NELL1: variants seen among roughly 807,000 people sequenced by gnomAD.
NELL1 encodes the protein protein kinase C-binding protein NELL1.
NELL1 carries 76 observed loss-of-function variants against 107.4 expected under a neutral mutation model. The observed-to-expected ratio is 0.71, with a 90% confidence interval of 0.59 to 0.86. The LOEUF is 0.86. NELL1 is among the 40% of genes least tolerant of loss of function. The pLI is 0.00. For synonymous variants in NELL1, 353 were observed against 341.2 expected (o/e 1.03, Z -0.38); for missense variants, 1,024 against 1,005.5 (o/e 1.02, Z -0.25).
chr11:21,456,158 G>A (rs1280316219), intron 15 of NELL1, among the ~76,000 whole-genome samples: 1 of 152,138 alleles, frequency 6.6e-6, no homozygotes, highest in African/African-American at 2.4e-5. Context: ...CTCCCAAAGT[G>A]CTGGGATTAC....
chr11:20,739,081 C>G (rs1259567092), intron 2 of NELL1, among the ~76,000 whole-genome samples: 1 of 152,196 alleles, frequency 6.6e-6, no homozygotes, highest in Non-Finnish European at 1.5e-5. Context: ...TTTGCACTAG[C>G]TACATTTCAA....
At chr11:21,045,595 A>C (rs1040933142) in intron 12 of NELL1, among the ~76,000 whole-genome samples, 1 of 152,142 alleles carries the variant, frequency 6.6e-6, no homozygotes, top group African/African-American at 2.4e-5. Context: ...CTGGAAAGAT[A>C]CCTGTTTAAT....
intron 15 of NELL1, among the ~76,000 whole-genome samples, chr11:21,438,187 T>C (rs1405619976): frequency 1.3e-5 from 2 of 152,202 alleles, no homozygotes; most frequent in Admixed American, 6.5e-5. Flanking sequence ...CCCTCAGTTT[T>C]GCTCATCTGG....
intron 12 of NELL1, among the ~76,000 whole-genome samples, chr11:20,963,119 A>T (rs1392775232): frequency 3.3e-5 from 5 of 152,250 alleles, no homozygotes; most frequent in Middle Eastern, 3.4e-3. Flanking sequence ...GATGACTTCC[A>T]TAGCTCTAAG....
intron 14 of NELL1, among the ~76,000 whole-genome samples, chr11:21,312,435 C>T (rs1849769476): frequency 6.6e-6 from 1 of 151,792 alleles, no homozygotes; most frequent in African/African-American, 2.4e-5. Context: ...AATTAACTAA[C>T]TATCCAGAAA....
At chr11:21,310,892 G>A (rs1472977711) in intron 14 of NELL1, among the ~76,000 whole-genome samples, 1 of 152,088 alleles carries the variant, frequency 6.6e-6, no homozygotes, top group Admixed American at 6.6e-5. Flanking sequence ...TGTATCTGAT[G>A]GGTGCTGAGA....
At chr11:20,904,389 A>T (rs1849946856) in intron 5 of NELL1, among the ~76,000 whole-genome samples, 1 of 152,164 alleles carries the variant, frequency 6.6e-6, no homozygotes, top group African/African-American at 2.4e-5. Flanking sequence ...CAAATATCAA[A>T]TGTACCCAAT....
At chr11:21,252,181 C>T (rs1005434534) in intron 14 of NELL1, among the ~76,000 whole-genome samples, 2 of 152,142 alleles carry the variant, frequency 1.3e-5, no homozygotes, top group African/African-American at 2.4e-5. Context: ...AAACAAGATT[C>T]GAACTCAGGT....
chr11:21,322,203 T>C (rs1197868572), intron 14 of NELL1, among the ~76,000 whole-genome samples: 1 of 152,170 alleles, frequency 6.6e-6, no homozygotes, highest in Admixed American at 6.5e-5. Context: ...TATAGTGTAA[T>C]GCAGAGCACT....
chr11:21,548,019 T>C lies in NELL1; in HGVS notation c.1787-12170T>C, dbSNP rs564925303. On this transcript the variant is annotated intron_variant, in intron 16 of 19. Coordinates refer to ENST00000357134, the MANE Select transcript of NELL1 (RefSeq NM_006157.5). The stretch of plus-strand genomic sequence containing the variant: ...ATGGCGCAACTGAAACTGGATCATT[T>C]TCCTGCTAAAAAAAAATCCTCAAGA... Among the ~76,000 whole-genome samples, 47 of 152,006 alleles carry C rather than the reference T, an allele frequency of 3.1e-4. No homozygotes were observed. In the South Asian group the frequency reaches 7.3e-3, roughly 23 times the overall value.
intron 13 of NELL1, among the ~76,000 whole-genome samples, chr11:21,159,091 G>T (rs1474783008): frequency 6.6e-6 from 1 of 151,962 alleles, no homozygotes; most frequent in Non-Finnish European, 1.5e-5. Flanking sequence ...AGCTCTGTTG[G>T]GTCCTTGCTT....
rs542554740 is a variant in NELL1 at position 21,025,758 on chromosome 11, T to G, written c.1300+65198T>G. Among the ~76,000 whole-genome samples the G allele has an allele frequency of 2.6e-5, 4 of 152,266 alleles. No homozygotes were observed. In the East Asian group the frequency reaches 5.8e-4, roughly 22 times the overall value. ...TCAGCCTAGACTGATATTTTACTGA[T>G]TGCTTTATATCTCCACTTGACGTTG... is the stretch of plus-strand genomic sequence containing the variant. On this transcript the variant is annotated intron_variant, in intron 12 of 19. Transcript: ENST00000357134.
At chr11:20,879,670 G>A (rs2134098777) in intron 4 of NELL1, among the ~76,000 whole-genome samples, 1 of 152,174 alleles carries the variant, frequency 6.6e-6, no homozygotes, top group South Asian at 2.1e-4. Context: ...ATCTCTTCCT[G>A]TTGCCTGAGC....
intron 13 of NELL1, among the ~76,000 whole-genome samples, chr11:21,167,906 C>T (rs540274070): frequency 6.6e-6 from 1 of 151,882 alleles, no homozygotes; most frequent in South Asian, 2.1e-4. Flanking sequence ...AAATATGCCT[C>T]CATGCACCCT....
At chr11:20,676,953 C>T (rs1032779619) in intron 1 of NELL1, among the ~76,000 whole-genome samples, 2 of 152,152 alleles carry the variant, frequency 1.3e-5, no homozygotes, top group Admixed American at 6.5e-5. Flanking sequence ...GATCACTAGC[C>T]TTATTAATAC....
intron 16 of NELL1, among the ~76,000 whole-genome samples, chr11:21,539,516 T>C (rs1856235471): frequency 6.6e-6 from 1 of 151,830 alleles, no homozygotes; most frequent in East Asian, 2.0e-4. Flanking sequence ...CTCAGTGGGA[T>C]GGATGCGGAG....
At position 21,387,907 on chromosome 11, in the gene NELL1, T is replaced by C. The variant is rs114473691; in HGVS notation, c.1645+16959T>C. On this transcript the variant is annotated intron_variant, in intron 15 of 19. Coordinates refer to ENST00000357134, the MANE Select transcript of NELL1 (RefSeq NM_006157.5). ...GTGCATTTTTCCAGGCACTATATTA[T>C]CTTTTTAAAAAATCTCATAACAATT... is the stretch of plus-strand genomic sequence containing the variant. Among the ~76,000 whole-genome samples, 587 of 149,902 alleles carry C rather than the reference T, an allele frequency of 3.9e-3. 5 individuals are homozygous for C. Among genetic ancestry groups the C allele is most frequent in the African/African-American group, 0.014 (552 of 40,178 alleles).
rs11827241 is a variant in NELL1 at position 20,961,427 on chromosome 11, A to C, written c.1300+867A>C. 5.4e-3 allele frequency among the ~76,000 whole-genome samples: 824 copies of C among 152,142 alleles called. 7 individuals are homozygous for C. Among genetic ancestry groups the C allele is most frequent in the African/African-American group, 0.019 (786 of 41,504 alleles). On this transcript the variant is annotated intron_variant, in intron 12 of 19. Transcript: ENST00000357134. ...TATTTTTCTGTTTGTTCTGATTCCA[A>C]TTATTCCTGCTGTCTTCATTAATAA...
chr11:21,057,509 C>T (rs113056994), intron 12 of NELL1, among the ~76,000 whole-genome samples: 35 of 151,906 alleles, frequency 2.3e-4, no homozygotes, highest in African/African-American at 8.4e-4. Flanking sequence ...ATATATTTAT[C>T]TACCTATTAT....
Sources: gnomAD v4.1 joint callset for allele counts (sites outside exome capture counted in the v4.1 genomes callset) on GRCh38, gnomAD v4.1.1 for gene constraint, MANE v1.5 for transcripts, NCBI Gene and HGNC (gene_info 2026-07-23, HGNC 2026-07-21) for gene names.